Variants in LIPH observed in about 807,000 individuals in gnomAD.
The protein encoded by LIPH is lipase member H.
In LIPH, 32 loss-of-function variants were observed where a neutral mutation model predicts 47.6. The observed-to-expected ratio is 0.67, with a 90% CI of 0.51 to 0.90. LIPH has a LOEUF of 0.90. Ranked by LOEUF, LIPH falls within the 40% of genes least tolerant of loss-of-function variation. LIPH has a pLI of 0.00. For missense variants in LIPH, 497 were observed against 541.4 expected (o/e 0.92, Z 0.81); for synonymous variants, 190 against 195.6 (o/e 0.97, Z 0.24).
intron 1 of LIPH, among the ~76,000 whole-genome samples, chr3:185,547,621 C>T (rs1720916378): frequency 1.3e-5 from 2 of 151,936 alleles, no homozygotes; most frequent in South Asian, 4.2e-4. Context: ...TGAGACCAGC[C>T]TGGCCAGCCT....
intron 8 of LIPH, among the ~76,000 whole-genome samples, chr3:185,512,442 G>A (rs1719596040): frequency 6.6e-6 from 1 of 151,688 alleles, no homozygotes; most frequent in Non-Finnish European, 1.5e-5. Flanking sequence ...AAGAACCATG[G>A]AGCCCCTGGC....
At chr3:185,518,592 T>G (rs1459229200) in intron 6 of LIPH, among the ~76,000 whole-genome samples, 1 of 152,100 alleles carries the variant, frequency 6.6e-6, no homozygotes, top group Non-Finnish European at 1.5e-5. Context: ...CATTGCTTTC[T>G]AACACTGTTT....
intron 4 of LIPH, among the ~76,000 whole-genome samples, chr3:185,526,236 G>A (rs879509779): frequency 6.6e-6 from 1 of 151,710 alleles, no homozygotes; most frequent in Non-Finnish European, 1.5e-5. Context: ...AAAAAATAAA[G>A]ATGGCTGGGA....
intron 3 of LIPH, among the ~76,000 whole-genome samples, chr3:185,529,937 AGAAAGAAAGAAAGAAAGAAAGAAAGAAG>A (rs1448995318): frequency 3.3e-4 from 17 of 50,800 alleles, no homozygotes; most frequent in Non-Finnish European, 7.2e-4. Flanking sequence ...AAAGAAAGAA[AGAAAGAAAGAAAGAAAGAAAGAAAGAAG>A]GAAAGAAAGA....
At chr3:185,545,620 C>T (rs1339157491) in intron 1 of LIPH, among the ~76,000 whole-genome samples, 1 of 152,202 alleles carries the variant, frequency 6.6e-6, no homozygotes, top group Non-Finnish European at 1.5e-5. Flanking sequence ...GTGCGGGTGG[C>T]TCACACCTGT....
chr3:185,510,171 A>G (rs1367271300), intron 9 of LIPH, among the ~76,000 whole-genome samples: 22 of 151,668 alleles, frequency 1.5e-4, no homozygotes, highest in Admixed American at 1.4e-3. Context: ...CTGGTCTAGA[A>G]CTCCTGACCT....
At chr3:185,527,444 G>T in intron 4 of LIPH, 40 bp downstream of exon 4, 1 of 1,321,134 alleles carries the variant, frequency 7.6e-7, no homozygotes, top group Non-Finnish European at 1.1e-6. Context: ...CTCTTTAGGA[G>T]CCTGGCGGTG....
At chr3:185,509,596 G>C (rs1403675099) in intron 9 of LIPH, among the ~76,000 whole-genome samples, 1 of 151,876 alleles carries the variant, frequency 6.6e-6, no homozygotes. Context: ...CGCTACTACT[G>C]TACTCCAGCC....
Position 185,525,971 on chromosome 3 carries a change from C to G in LIPH, c.628+1513G>C, listed in dbSNP as rs1349759888. On this transcript the variant is annotated intron_variant, in intron 4 of 9. Transcript: ENST00000296252. ...ACTCTGCTGTTTCCTCAATCCTCCC[C>G]AAGTTCCTACTCCAGCTCTTCTCCC... is the stretch of plus-strand genomic sequence containing the variant. Among the ~76,000 whole-genome samples the G allele has an allele frequency of 2.0e-5, 3 of 152,282 alleles. No individual in the cohort carries two copies. The South Asian group carries it at 6.2e-4, about 32-fold the overall frequency.
In LIPH at chr3:185,507,922, T is replaced by A. The variant is rs988804231; in HGVS notation, c.*868A>T. On this transcript the variant is annotated 3_prime_UTR_variant, in exon 10 of 10. Transcript: ENST00000296252. ...AGCGTTGCCTGTAAAGTGATCCTTCTCCACCTTAGGTGAAAAATAAGCTCT... is the reference window on the plus strand; with the variant it reads ...AGCGTTGCCTGTAAAGTGATCCTTCACCACCTTAGGTGAAAAATAAGCTCT... The A allele has an allele frequency of 4.6e-5, 7 of 152,250 alleles. No individual in the cohort carries two copies. Among genetic ancestry groups the A allele is most frequent in the Admixed American group, 6.5e-5 (1 of 15,280 alleles). 9.4% of individuals were successfully genotyped at this position (152,250 alleles called of 1,614,324 possible). A position where few individuals can be genotyped will look rare whatever the true frequency, so the allele number is the denominator to read the frequency against.
chr3:185,544,602 G>T (rs995761587), intron 1 of LIPH, among the ~76,000 whole-genome samples: 2 of 152,146 alleles, frequency 1.3e-5, no homozygotes, highest in African/African-American at 4.8e-5. Flanking sequence ...TGATCCTCCT[G>T]CCTCAGCTGC....
intron 7 of LIPH, among the ~76,000 whole-genome samples, chr3:185,516,826 A>C (rs1302343731): frequency 6.6e-6 from 1 of 152,224 alleles, no homozygotes; most frequent in Non-Finnish European, 1.5e-5. Context: ...ATATCCCAGA[A>C]TACAGGCATT....
At chr3:185,516,783 T>A (rs888086685) in intron 7 of LIPH, among the ~76,000 whole-genome samples, 3 of 152,182 alleles carry the variant, frequency 2.0e-5, no homozygotes, top group Non-Finnish European at 1.5e-5. Flanking sequence ...TTTTATTAAA[T>A]TAATATTTTT....
At chr3:185,514,544 G>A (rs761477108) in intron 7 of LIPH, 23 bp from the exon 8 acceptor site, 64 of 901,784 alleles carry the variant, frequency 7.1e-5, no homozygotes, top group African/African-American at 1.5e-4. Context: ...GAGAGAACAC[G>A]GTAAGAGAGA....
Position 185,506,830 on chromosome 3 carries a change from TAAAAAAAAAAAAAAA to T in LIPH, c.*1945_*1959del, listed in dbSNP as rs58962402. 8.0e-5 allele frequency: 4 copies of T among 50,126 alleles called. No individual in the cohort carries two copies. In the East Asian group the frequency reaches 2.4e-3, roughly 29 times the overall value. The allele number at this position is 50,126 out of a possible 1,614,324, so 3.1% of individuals were successfully genotyped here. A position where few individuals can be genotyped will look rare whatever the true frequency, so the allele number is the denominator to read the frequency against. ...CTGGGTAACAGAAGGAGACTCCATC[TAAAAAAAAAAAAAAA>T]AAAAAAAAAAAAAAACCAGGGCCTA... On this transcript the variant is annotated 3_prime_UTR_variant, in exon 10 of 10. Coordinates refer to ENST00000296252, the MANE Select transcript of LIPH (RefSeq NM_139248.3).
chr3:185,533,828 T>A, intron 2 of LIPH, 149 bp from the exon 3 acceptor site: 1 of 634,262 alleles, frequency 1.6e-6, no homozygotes, highest in Non-Finnish European at 2.8e-6. Context: ...CCATGCAAAG[T>A]AAATACTATT....
intron 9 of LIPH, 57 bp from the exon 10 acceptor site, chr3:185,508,934 A>G: frequency 1.0e-6 from 1 of 986,910 alleles, no homozygotes; most frequent in African/African-American, 1.6e-5. Context: ...GCAATGGTCT[A>G]GTAAATAATA....
Position 185,511,827 on chromosome 3 carries a change from T to TG in LIPH, c.1095-131_1095-130insC. 2 of 690,754 alleles carry TG rather than the reference T, an allele frequency of 2.9e-6. 1 individual carries two copies. Among genetic ancestry groups the TG allele is most frequent in the East Asian group, 5.4e-5 (2 of 37,318 alleles). 42.8% of individuals were successfully genotyped at this position (690,754 alleles called of 1,614,324 possible). A position where few individuals can be genotyped will look rare whatever the true frequency, so the allele number is the denominator to read the frequency against. On this transcript the variant is annotated intron_variant, in intron 8 of 9. Coordinates refer to ENST00000296252, the MANE Select transcript of LIPH (RefSeq NM_139248.3). Reference sequence around the variant, plus strand: ...TAGCCTGCACCAGCTGACTTTTTTTTTTTTTTTTTTTCTGAGACAGGGTTC... The same window carrying TG: ...TAGCCTGCACCAGCTGACTTTTTTTTGTTTTTTTTTTTCTGAGACAGGGTTC...
chr3:185,540,712 C>T (rs545252842), intron 1 of LIPH, among the ~76,000 whole-genome samples: 58 of 150,938 alleles, frequency 3.8e-4, no homozygotes, highest in Non-Finnish European at 7.2e-4. Context: ...AGCAAGACTC[C>T]CTCTCAAAGA....
Sources: gnomAD v4.1 joint callset for allele counts (sites outside exome capture counted in the v4.1 genomes callset) on GRCh38, gnomAD v4.1.1 for gene constraint, MANE v1.5 for transcripts, NCBI Gene and HGNC (gene_info 2026-07-23, HGNC 2026-07-21) for gene names.